Variants in AXDND1 observed in about 807,000 individuals in gnomAD.
AXDND1 encodes axonemal dynein light chain domain-containing protein 1.
A neutral mutation model predicts 137.5 loss-of-function variants in AXDND1; 110 were observed. The ratio of observed to expected loss-of-function variants is 0.80; its 90% CI spans 0.69 to 0.94. The LOEUF is 0.94. AXDND1 is among the 40% of genes least tolerant of loss of function. The pLI, the probability that AXDND1 is intolerant of heterozygous loss-of-function variation, is 0.00. For synonymous variants in AXDND1, 414 were observed against 399.7 expected (o/e 1.04, Z -0.43); for missense variants, 1,191 against 1,169.8 (o/e 1.02, Z -0.26).
At chr1:179,543,039 T>C (rs1053111791) in intron 25 of AXDND1, among the ~76,000 whole-genome samples, 1 of 152,098 alleles carries the variant, frequency 6.6e-6, no homozygotes, top group Non-Finnish European at 1.5e-5. Context: ...TTGAAAAAAA[T>C]GCAGATACCT....
Position 179,390,442 on chromosome 1 carries a change from T to G in AXDND1, c.864-3461T>G, listed in dbSNP as rs117604458. 8.8e-3 allele frequency among the ~76,000 whole-genome samples: 1,343 copies of G among 152,364 alleles called. 41 individuals carry two copies. Among genetic ancestry groups the G allele is most frequent in the Admixed American group, 0.057 (871 of 15,294 alleles). ...AGAAATGACTTCTTTGTATTAAAGATTTTTGTTTGTGTTTAAATAGTTGTC... is the reference window on the plus strand; with the variant it reads ...AGAAATGACTTCTTTGTATTAAAGAGTTTTGTTTGTGTTTAAATAGTTGTC... On this transcript the variant is annotated intron_variant, in intron 9 of 25. Transcript: ENST00000367618.
rs777345228 is a variant in AXDND1, at chr1:179,411,276, T to C, written c.1230+10T>C. On this transcript the variant is annotated intron_variant, in intron 12 of 25. Coordinates refer to ENST00000367618, the MANE Select transcript of AXDND1 (RefSeq NM_144696.6). ...TGAATTGGCCCTGAAGGTTAGTTCA[T>C]CTGGATTCACAACTCACACTTCTTT... The C allele has an allele frequency of 1.9e-6, 3 of 1,604,036 alleles. No homozygotes were observed. Among genetic ancestry groups the C allele is most frequent in the East Asian group, 2.2e-5 (1 of 44,662 alleles).
intron 25 of AXDND1, among the ~76,000 whole-genome samples, chr1:179,542,706 C>T (rs1360476700): frequency 1.3e-5 from 2 of 152,184 alleles, no homozygotes; most frequent in Non-Finnish European, 2.9e-5. Context: ...TTAGTTTTGT[C>T]CATTCCCACG....
At chr1:179,440,526 G>A (rs564432965) in intron 15 of AXDND1, among the ~76,000 whole-genome samples, 162 of 152,350 alleles carry the variant, frequency 1.1e-3, no homozygotes, top group African/African-American at 3.6e-3. Flanking sequence ...AGACATGCTG[G>A]CAAGTAGGAC....
chr1:179,530,968 C>T (rs757064736), intron 23 of AXDND1, among the ~76,000 whole-genome samples: 5 of 152,168 alleles, frequency 3.3e-5, no homozygotes, highest in Non-Finnish European at 4.4e-5. Context: ...GGCCACACCA[C>T]GTAGGAGATG....
In AXDND1 at chr1:179,468,553, GA is replaced by G. The variant is rs781259567; in HGVS notation, c.1915del (p.Ile639LeufsTer4). 3.1e-6 allele frequency: 5 copies of G among 1,612,706 alleles called. No homozygotes were observed. Among genetic ancestry groups the G allele is most frequent in the Non-Finnish European group, 4.2e-6 (5 of 1,179,316 alleles). ...TPLEEWQEIDEKINEMKSHLD... is the reference protein window; with the variant it reads ...TPLEEWQEIDXKINEMKSHLD... ...TCTTGAAGAATGGCAGGAAATAGAT[GA>G]AAAAATTAATGAAATGAAATCACAC... On this transcript the variant is annotated frameshift_variant, in exon 17 of 26. Coordinates refer to ENST00000367618, the MANE Select transcript of AXDND1 (RefSeq NM_144696.6). LOFTEE classifies it high-confidence loss of function.
chr1:179,491,631 T>G lies in AXDND1; in HGVS notation c.2185T>G (p.Leu729Val), dbSNP rs148097033. The G allele has an allele frequency of 3.1e-6, 5 of 1,613,790 alleles. No individual in the cohort carries two copies. In the African/African-American group the frequency reaches 6.7e-5, roughly 22 times the overall value. ...NFTDQDCLLK[L>V]EEESAEKHDI... Reference sequence around the variant, plus strand: ...TACTGACCAAGACTGTCTCCTAAAGTTGGAGGAGGAAAGTGCTGAGAAACA... The same window carrying G: ...TACTGACCAAGACTGTCTCCTAAAGGTGGAGGAGGAAAGTGCTGAGAAACA... The change falls in exon 19 of 26, where the codon TTG (leucine) becomes GTG (valine). Residue 729 changes from leucine (L) to valine (V), a missense_variant. Leu to Val is a conservative substitution (Grantham distance 32). Coordinates refer to ENST00000367618, the MANE Select transcript of AXDND1 (RefSeq NM_144696.6).
At chr1:179,551,332 G>A in intron 25 of AXDND1, 1 of 1,614,162 alleles carries the variant, frequency 6.2e-7, no homozygotes, top group African/African-American at 1.3e-5. Context: ...GCTTCTCTGT[G>A]GACAGAGACT....
intron 17 of AXDND1, among the ~76,000 whole-genome samples, chr1:179,477,900 C>T (rs1469801267): frequency 6.6e-6 from 1 of 152,198 alleles, no homozygotes; most frequent in Non-Finnish European, 1.5e-5. Flanking sequence ...TGGGTAAGTA[C>T]AGGCATTCCA....
chr1:179,468,996 C>G (rs1015432583), intron 17 of AXDND1, among the ~76,000 whole-genome samples: 4 of 151,528 alleles, frequency 2.6e-5, no homozygotes, highest in Non-Finnish European at 4.4e-5. Flanking sequence ...ATGGCGAGAT[C>G]TTGGCTCACT....
chr1:179,406,804 A>G (rs1344097999), intron 11 of AXDND1, among the ~76,000 whole-genome samples: 1 of 152,134 alleles, frequency 6.6e-6, no homozygotes, highest in Non-Finnish European at 1.5e-5. Flanking sequence ...TTTTATATCC[A>G]TTCAGCCAAT....
intron 16 of AXDND1, among the ~76,000 whole-genome samples, chr1:179,463,862 A>ACCATTATG (rs1438833629): frequency 3.3e-5 from 5 of 151,960 alleles, no homozygotes; most frequent in African/African-American, 1.2e-4. Flanking sequence ...TGATCCCTTT[A>ACCATTATG]CCATTATGTA....
At chr1:179,551,680 T>C in intron 25 of AXDND1, 1 of 562,272 alleles carries the variant, frequency 1.8e-6, no homozygotes. Context: ...CAAGTATAAA[T>C]GAAGTATTAG....
At chr1:179,373,021 T>C (rs1366601595) in intron 4 of AXDND1, among the ~76,000 whole-genome samples, 3 of 152,138 alleles carry the variant, frequency 2.0e-5, no homozygotes, top group Admixed American at 6.6e-5. Context: ...TTTCAACAAG[T>C]AAATAAAACA....
At chr1:179,554,425 C>T (rs755461314) in intron 25 of AXDND1, 87 bp from the exon 26 acceptor site, 1 of 1,605,954 alleles carries the variant, frequency 6.2e-7, no homozygotes, top group Non-Finnish European at 8.5e-7. Context: ...AAAATGAAAC[C>T]AGAATATTTT....
chr1:179,385,051 A>G (rs756415601), intron 8 of AXDND1, among the ~76,000 whole-genome samples, 187 bp from the exon 9 acceptor site: 51 of 152,236 alleles, frequency 3.4e-4, no homozygotes, highest in Non-Finnish European at 6.3e-4. Flanking sequence ...GGTGTGAGCC[A>G]CTGCACTTGG....
chr1:179,407,751 TG>T (rs1653202937), intron 11 of AXDND1, among the ~76,000 whole-genome samples: 1 of 152,162 alleles, frequency 6.6e-6, no homozygotes, highest in Non-Finnish European at 1.5e-5. Context: ...AAATTTGGGT[TG>T]GGGATCTTTG....
chr1:179,423,491 G>T (rs964656043), intron 12 of AXDND1, among the ~76,000 whole-genome samples: 3 of 151,876 alleles, frequency 2.0e-5, no homozygotes, highest in African/African-American at 7.3e-5. Flanking sequence ...TTTTTATCTT[G>T]TTTTATAACT....
Position 179,468,565 on chromosome 1 carries a change from GAAATGAA to G in AXDND1, c.1923_1929del (p.Glu641AspfsTer8), listed in dbSNP as rs769626315. 1 of 1,612,904 alleles carries G rather than the reference GAAATGAA, an allele frequency of 6.2e-7. No individual in the cohort carries two copies. The highest frequency in any genetic ancestry group is 1.3e-5 in the African/African-American group (1 of 75,002). On this transcript the variant is annotated frameshift_variant, in exon 17 of 26. Coordinates refer to ENST00000367618, the MANE Select transcript of AXDND1 (RefSeq NM_144696.6). LOFTEE classifies it high-confidence loss of function. The stretch of plus-strand genomic sequence containing the variant: ...GCAGGAAATAGATGAAAAAATTAAT[GAAATGAA>G]ATCACACTTGGATATATTGTTAAAC...
Sources: gnomAD v4.1 joint callset for allele counts (sites outside exome capture counted in the v4.1 genomes callset) on GRCh38, gnomAD v4.1.1 for gene constraint, MANE v1.5 for transcripts, NCBI Gene and HGNC (gene_info 2026-07-23, HGNC 2026-07-21) for gene names.